The following MAGI2 variants were observed in gnomAD, a reference collection of about 807,000 sequenced individuals.
The protein encoded by MAGI2 is membrane associated guanylate kinase, WW and PDZ domain containing 2, also known as membrane-associated guanylate kinase, WW and PDZ domain-containing protein 2.
In MAGI2, 35 loss-of-function variants were observed where a neutral mutation model predicts 133.3. The observed-to-expected ratio is 0.26, with a 90% CI of 0.20 to 0.35. The LOEUF (loss-of-function observed/expected upper bound fraction) is 0.35. Ranked by LOEUF, MAGI2 falls within the 10% of genes least tolerant of loss-of-function variation. The pLI is 1.00. For synonymous variants in MAGI2, 729 were observed against 710.6 expected (o/e 1.03, Z -0.41); for missense variants, 1,636 against 1,863.4 (o/e 0.88, Z 2.25).
intron 2 of MAGI2, chr7:78,940,521 G>A (rs1222116521): frequency 6.6e-6 from 1 of 152,084 alleles, no homozygotes; most frequent in Non-Finnish European, 1.5e-5. Flanking sequence ...AGTAAACCTA[G>A]CAGCTCCTTC....
At chr7:78,535,880 C>G (rs1385943340) in intron 3 of MAGI2, among the ~76,000 whole-genome samples, 1 of 147,554 alleles carries the variant, frequency 6.8e-6, no homozygotes, top group Non-Finnish European at 1.5e-5. Context: ...ACACCCCCCC[C>G]GCCCACCGCC....
chr7:78,889,135 G>C (rs887384838), intron 2 of MAGI2, among the ~76,000 whole-genome samples: 2 of 152,134 alleles, frequency 1.3e-5, no homozygotes, highest in South Asian at 4.2e-4. Context: ...ATCAGTGGTG[G>C]AAGATCAAAT....
At chr7:79,317,392 C>T (rs974905135) in intron 1 of MAGI2, among the ~76,000 whole-genome samples, 1 of 152,074 alleles carries the variant, frequency 6.6e-6, no homozygotes, top group Non-Finnish European at 1.5e-5. Flanking sequence ...AGATGCCAAA[C>T]TGAAGTCAGA....
chr7:78,163,354 T>C (rs527694339), intron 15 of MAGI2, among the ~76,000 whole-genome samples: 171 of 152,226 alleles, frequency 1.1e-3, no homozygotes, highest in African/African-American at 4.0e-3. Context: ...TTAGCCAGGA[T>C]GTTCTCGATC....
chr7:78,856,566 G>A (rs1267731359), intron 2 of MAGI2, among the ~76,000 whole-genome samples: 2 of 152,036 alleles, frequency 1.3e-5, no homozygotes, highest in African/African-American at 4.8e-5. Flanking sequence ...GGTTGTAGAT[G>A]TGTGGTATTA....
chr7:79,291,433 G>C (rs1486307771), intron 1 of MAGI2, among the ~76,000 whole-genome samples: 3 of 152,042 alleles, frequency 2.0e-5, no homozygotes, highest in East Asian at 3.9e-4. Flanking sequence ...ATATACCTAA[G>C]AGTGGAATTA....
rs151151163 is a variant in MAGI2, at chr7:78,178,032, C to G, written c.2382G>C (p.Gly794=). Residue 794 remains glycine, a synonymous_variant, in exon 14 of 22, where the codon GGG becomes GGC. Transcript: ENST00000354212. ...MESGFGFRIL[G]GDEPGQPILI... The stretch of plus-strand genomic sequence containing the variant: ...TTACAGGCTGTCCAGGCTCATCTCC[C>G]CCGAGGATTCTGAAGCCAAATCCAG... 8 of 1,612,976 alleles carry G rather than the reference C, an allele frequency of 5.0e-6. No individual in the cohort carries two copies. In the African/African-American group the frequency reaches 9.3e-5, roughly 19 times the overall value.
chr7:79,153,379 G>T (rs1823457260), intron 1 of MAGI2, among the ~76,000 whole-genome samples: 1 of 152,138 alleles, frequency 6.6e-6, no homozygotes. Flanking sequence ...ATCTAGCAGG[G>T]TGCAGGCAAT....
At chr7:78,395,533 C>T (rs1796269036) in intron 6 of MAGI2, among the ~76,000 whole-genome samples, 1 of 152,122 alleles carries the variant, frequency 6.6e-6, no homozygotes, top group South Asian at 2.1e-4. Flanking sequence ...GGGTAGTCTG[C>T]ATTTTATGCA....
intron 1 of MAGI2, among the ~76,000 whole-genome samples, chr7:79,343,545 CT>C (rs1356161172): frequency 1.9e-4 from 7 of 36,124 alleles, no homozygotes; most frequent in African/African-American, 4.9e-4. Context: ...GATGTATTTT[CT>C]TTAAAAAAAA....
intron 1 of MAGI2, among the ~76,000 whole-genome samples, chr7:79,235,954 G>A (rs1831889581): frequency 6.6e-6 from 1 of 152,186 alleles, no homozygotes; most frequent in Non-Finnish European, 1.5e-5. Context: ...TGACAAATAT[G>A]CATTTCTACT....
At chr7:78,236,815 T>C (rs1790590760) in intron 10 of MAGI2, among the ~76,000 whole-genome samples, 3 of 152,118 alleles carry the variant, frequency 2.0e-5, no homozygotes, top group Non-Finnish European at 4.4e-5. Flanking sequence ...GGGTAATTTA[T>C]AAAGAAAAAG....
intron 6 of MAGI2, among the ~76,000 whole-genome samples, chr7:78,406,445 C>A (rs1452103211): frequency 6.6e-6 from 1 of 151,802 alleles, no homozygotes; most frequent in East Asian, 1.9e-4. Context: ...ACATATTTTC[C>A]CCTTTGGACT....
intron 2 of MAGI2, among the ~76,000 whole-genome samples, chr7:78,945,777 T>G (rs1209009887): frequency 6.6e-6 from 1 of 152,184 alleles, no homozygotes; most frequent in Admixed American, 6.5e-5. Context: ...TTGCACATAC[T>G]GTGTGCGTCA....
chr7:78,226,261 G>A (rs954514523), intron 10 of MAGI2, among the ~76,000 whole-genome samples: 2 of 151,406 alleles, frequency 1.3e-5, no homozygotes, highest in African/African-American at 2.4e-5. Context: ...GCCCCCTACC[G>A]GTGTGCAGTG....
At chr7:78,999,140 A>G (rs4730596) in intron 2 of MAGI2, among the ~76,000 whole-genome samples, 113,207 of 151,790 alleles carry the variant, frequency 0.75, 42,436 homozygotes, top group East Asian at 0.82. Context: ...TTCCTATGGA[A>G]AGCCTCCCTC....
intron 6 of MAGI2, among the ~76,000 whole-genome samples, chr7:78,387,719 G>C (rs1483412535): frequency 6.6e-6 from 1 of 152,122 alleles, no homozygotes; most frequent in African/African-American, 2.4e-5. Context: ...TTGAGCCCAG[G>C]AGTTTGAGAC....
intron 2 of MAGI2, among the ~76,000 whole-genome samples, chr7:78,660,266 TATA>T (rs1374704275): frequency 6.6e-6 from 1 of 152,060 alleles, no homozygotes; most frequent in Non-Finnish European, 1.5e-5. Flanking sequence ...GAACTTAAAG[TATA>T]ATAATAAAAA....
intron 6 of MAGI2, among the ~76,000 whole-genome samples, chr7:78,417,374 C>CGG (rs534089405): frequency 1.3e-5 from 2 of 151,858 alleles, no homozygotes; most frequent in African/African-American, 4.8e-5. Flanking sequence ...TGTGGGAGGC[C>CGG]GGGGGGAAGG....
Sources: allele counts gnomAD v4.1 joint callset (sites outside exome capture counted in the v4.1 genomes callset), GRCh38; gene constraint gnomAD v4.1.1; transcripts MANE v1.5; gene names NCBI Gene and HGNC (gene_info 2026-07-23, HGNC 2026-07-21).